The following CHST11 variants were observed in gnomAD, a reference collection of about 807,000 sequenced individuals.
The protein encoded by CHST11 is C4S-1.
CHST11 carries 9 observed loss-of-function variants against 30.4 expected under a neutral mutation model. The ratio of observed to expected loss-of-function variants is 0.30; its 90% CI spans 0.18 to 0.52. The LOEUF (loss-of-function observed/expected upper bound fraction) is 0.52, where lower values mean the gene tolerates loss of function less well. CHST11 is among the 20% of genes least tolerant of loss of function. The pLI is 0.97. For missense variants in CHST11, 348 were observed against 460.6 expected (o/e 0.76, Z 2.24); for synonymous variants, 152 against 187.8 (o/e 0.81, Z 1.56).
chr12:104,635,469 CAG>C (rs1359767619), intron 2 of CHST11, among the ~76,000 whole-genome samples: 3 of 152,098 alleles, frequency 2.0e-5, no homozygotes, highest in African/African-American at 7.3e-5. Context: ...CATCTCATCA[CAG>C]GGGGGTTGGA....
chr12:104,576,056 C>G (rs1202330673), intron 1 of CHST11, among the ~76,000 whole-genome samples: 1 of 151,848 alleles, frequency 6.6e-6, no homozygotes, highest in Admixed American at 6.5e-5. Flanking sequence ...GAGAACTGTT[C>G]TCTCTTATGC....
chr12:104,664,921 A>G (rs185371473), intron 2 of CHST11, among the ~76,000 whole-genome samples: 43 of 152,356 alleles, frequency 2.8e-4, no homozygotes, highest in Admixed American at 7.2e-4. Flanking sequence ...AATATATTTA[A>G]TAACCTCAAC....
rs1360459052 is a variant in CHST11 at position 104,752,700 on chromosome 12, TG to T, written c.205-4248del. 2.0e-5 allele frequency among the ~76,000 whole-genome samples: 3 copies of T among 152,294 alleles called. No homozygotes were observed. In the East Asian group the frequency reaches 5.8e-4, roughly 29 times the overall value. On this transcript the variant is annotated intron_variant, in intron 2 of 2. Coordinates refer to ENST00000303694, the MANE Select transcript of CHST11 (RefSeq NM_018413.6). Reference sequence around the variant, plus strand: ...CCGCCACCACGCCCAGCTAATTTTTTGTATTTTTAGTACAAATGGGGTTTCG... The same window carrying T: ...CCGCCACCACGCCCAGCTAATTTTTTTATTTTTAGTACAAATGGGGTTTCG...
chr12:104,482,353 C>CG (rs71069759), intron 1 of CHST11, among the ~76,000 whole-genome samples: 1 of 149,652 alleles, frequency 6.7e-6, no homozygotes, highest in Non-Finnish European at 1.5e-5. Context: ...AGCCCCCCCC[C>CG]GCAAAAATGA....
chr12:104,559,496 A>T (rs1226333845), intron 1 of CHST11, among the ~76,000 whole-genome samples: 1 of 152,208 alleles, frequency 6.6e-6, no homozygotes, highest in Non-Finnish European at 1.5e-5. Flanking sequence ...TAATCCCAGC[A>T]CTTTGGGAGG....
intron 2 of CHST11, among the ~76,000 whole-genome samples, chr12:104,625,310 T>C (rs2039202084): frequency 6.6e-6 from 1 of 152,188 alleles, no homozygotes; most frequent in Admixed American, 6.5e-5. Context: ...TCCTTTTTCT[T>C]TTTCTTTTTC....
intron 2 of CHST11, among the ~76,000 whole-genome samples, chr12:104,627,281 GAAT>G (rs1314108388): frequency 2.6e-5 from 4 of 152,288 alleles, no homozygotes; most frequent in Middle Eastern, 3.4e-3. Flanking sequence ...TGGCAATTAA[GAAT>G]AAAGCTGCTC....
chr12:104,679,842 C>T (rs2039777740), intron 2 of CHST11, among the ~76,000 whole-genome samples: 1 of 152,234 alleles, frequency 6.6e-6, no homozygotes, highest in Non-Finnish European at 1.5e-5. Context: ...CTCCTCACAG[C>T]ATCTCTGACT....
intron 2 of CHST11, among the ~76,000 whole-genome samples, chr12:104,665,796 TTCTC>T (rs1039686758): frequency 1.9e-4 from 28 of 145,462 alleles, no homozygotes; most frequent in African/African-American, 6.7e-4. Context: ...CCCTTTCTCT[TTCTC>T]TCTCTCTGTC....
intron 2 of CHST11, among the ~76,000 whole-genome samples, chr12:104,653,872 C>G (rs1373278521): frequency 2.0e-5 from 3 of 152,162 alleles, no homozygotes; most frequent in African/African-American, 7.2e-5. Context: ...ACTGCAGATG[C>G]AGTAGTTAGA....
intron 1 of CHST11, among the ~76,000 whole-genome samples, chr12:104,542,964 G>A (rs1383274000): frequency 6.6e-6 from 1 of 152,182 alleles, no homozygotes; most frequent in Non-Finnish European, 1.5e-5. Context: ...CAACCAGTGT[G>A]TTAGTCCATT....
intron 2 of CHST11, among the ~76,000 whole-genome samples, chr12:104,707,794 A>G (rs952112665): frequency 6.6e-5 from 10 of 152,326 alleles, no homozygotes; most frequent in African/African-American, 2.2e-4. Context: ...CCCACTGACA[A>G]CGAGGACACA....
chr12:104,596,107 C>G (rs1429678913), intron 1 of CHST11, among the ~76,000 whole-genome samples: 2 of 152,178 alleles, frequency 1.3e-5, no homozygotes, highest in African/African-American at 4.8e-5. Flanking sequence ...ACAGAATTGC[C>G]TGTCTTTGCA....
intron 1 of CHST11, among the ~76,000 whole-genome samples, chr12:104,511,252 C>T (rs2037962679): frequency 6.6e-6 from 1 of 152,186 alleles, no homozygotes; most frequent in Non-Finnish European, 1.5e-5. Context: ...TCCCAGCCTT[C>T]TCCTCACCTC....
In CHST11 at chr12:104,757,944, A is replaced by G; in HGVS notation, c.*141A>G. The G allele has an allele frequency of 6.2e-6, 6 of 960,736 alleles. No homozygotes were observed. Among genetic ancestry groups the G allele is most frequent in the Non-Finnish European group, 9.0e-6 (6 of 666,368 alleles). The allele number at this position is 960,736 out of a possible 1,614,324, so 59.5% of individuals were successfully genotyped here. On this transcript the variant is annotated 3_prime_UTR_variant, in exon 3 of 3. Transcript: ENST00000303694. The surrounding 1 kb of genome is among the most constrained non-coding windows in gnomAD (Gnocchi z 6.5). ...GCGAGCAGCATAGTGAGAATTATTT[A>G]AAATCCTTCGTAGGGAAGGACAGCT...
Position 104,460,655 on chromosome 12 carries a change from C to A in CHST11, c.118+3126C>A, listed in dbSNP as rs767347577. Reference sequence around the variant, plus strand: ...CTCCAGCCTGGGCGACAGAGTGAAACTGTGTCTCAAAAAAAAAAAAAAAAA... The same window carrying A: ...CTCCAGCCTGGGCGACAGAGTGAAAATGTGTCTCAAAAAAAAAAAAAAAAA... On this transcript the variant is annotated intron_variant, in intron 1 of 2. Transcript: ENST00000303694. Among the ~76,000 whole-genome samples the A allele has an allele frequency of 8.2e-4, 83 of 100,656 alleles. No individual in the cohort carries two copies. In the East Asian group the frequency reaches 9.7e-3, roughly 12 times the overall value. 66.0% of individuals were successfully genotyped at this position (100,656 alleles called of 152,430 possible).
rs142504913 is a variant in CHST11, at chr12:104,700,875, C to G, written c.205-56074C>G. On this transcript the variant is annotated intron_variant, in intron 2 of 2. Coordinates refer to ENST00000303694, the MANE Select transcript of CHST11 (RefSeq NM_018413.6). ...CCTATAATCCCAGCACTTTGGGAGG[C>G]TGACGCAGGTGGATCACGAGGTCAG... 2.5e-3 allele frequency among the ~76,000 whole-genome samples: 382 copies of G among 152,280 alleles called. 1 individual carries two copies. The highest frequency in any genetic ancestry group is 8.5e-3 in the African/African-American group (355 of 41,564).
intron 1 of CHST11, among the ~76,000 whole-genome samples, chr12:104,463,217 T>A (rs1024486687): frequency 6.6e-6 from 1 of 152,214 alleles, no homozygotes; most frequent in African/African-American, 2.4e-5. Flanking sequence ...ATGAAAGTCA[T>A]TGCCAGCAGG....
At chr12:104,594,935 A>C (rs972049456) in intron 1 of CHST11, among the ~76,000 whole-genome samples, 13 of 152,244 alleles carry the variant, frequency 8.5e-5, no homozygotes, top group African/African-American at 2.7e-4. Flanking sequence ...TGACAGAGCG[A>C]GACACTGTCT....
Sources: gnomAD v4.1 joint callset for allele counts (sites outside exome capture counted in the v4.1 genomes callset) on GRCh38, gnomAD v4.1.1 for gene constraint, Gnocchi (gnomAD v3.1) non-coding constraint, MANE v1.5 for transcripts, NCBI Gene and HGNC (gene_info 2026-07-23, HGNC 2026-07-21) for gene names.